ENO4: variants seen among roughly 807,000 people sequenced by gnomAD.
ENO4 encodes 2-phospho-D-glycerate hydro-lyase.
Under a neutral mutation model 63.2 loss-of-function variants are expected in ENO4, and 53 were observed. The observed-to-expected ratio is 0.84, with a 90% CI of 0.67 to 1.05. The LOEUF is 1.05. Among genes scored for constraint, ENO4 ranks in the 50% least tolerant of loss-of-function variants. The pLI, the probability that ENO4 is intolerant of heterozygous loss-of-function variation, is 0.00. For missense variants in ENO4, 719 were observed against 772.0 expected, an observed-to-expected ratio of 0.93 and a Z score of 0.81; for synonymous variants, 266 against 283.8, an observed-to-expected ratio of 0.94 and a Z score of 0.63.
In ENO4 at chr10:116,899,695, T is replaced by C. The variant is rs534574231; in HGVS notation, c.1195-11804T>C. Among the ~76,000 whole-genome samples the C allele has an allele frequency of 5.3e-5, 8 of 152,260 alleles. No homozygotes were observed. In the East Asian group the frequency reaches 9.7e-4, roughly 18 times the overall value. ...AACGGTGGTGTTGCCACAGACAAAATAGAAGTGTTAACTACTAGAATGCAA... is the reference window on the plus strand; with the variant it reads ...AACGGTGGTGTTGCCACAGACAAAACAGAAGTGTTAACTACTAGAATGCAA... On this transcript the variant is annotated intron_variant, in intron 10 of 10. Transcript: ENST00000369207.
intron 10 of ENO4, among the ~76,000 whole-genome samples, chr10:116,897,504 G>A (rs1235958442): frequency 1.3e-5 from 2 of 152,156 alleles, no homozygotes; most frequent in South Asian, 2.1e-4. Context: ...ACAAAACACA[G>A]AGAGGTTAAA....
At chr10:116,906,498 C>T in intron 10 of ENO4, 1 of 888,994 alleles carries the variant, frequency 1.1e-6, no homozygotes, top group South Asian at 2.4e-5. Flanking sequence ...CCATCCCATA[C>T]TTCTCACTCA....
chr10:116,880,231 T>C (rs565352522), intron 13 of ENO4, among the ~76,000 whole-genome samples: 3 of 152,330 alleles, frequency 2.0e-5, no homozygotes, highest in South Asian at 2.1e-4. Flanking sequence ...TGCTCTTCAA[T>C]AGAATTAATT....
In ENO4 at chr10:116,879,806, ATTGT is replaced by A. The variant is rs890089039; in HGVS notation, c.1606-58_1606-55del. 4.2e-5 allele frequency: 52 copies of A among 1,244,050 alleles called. No individual in the cohort carries two copies. In the African/African-American group the frequency reaches 6.2e-4, roughly 15 times the overall value. The allele number at this position is 1,244,050 out of a possible 1,614,324, so 77.1% of individuals were successfully genotyped here. ...TGACAGTTTCCTTTGTCTTTAAAGA[ATTGT>A]TTGTCGTTTAGCAAGACATGGCTCC... On this transcript the variant is annotated intron_variant, in intron 12 of 13. Transcript: ENST00000341276.
chr10:116,876,052 A>AAT lies in ENO4; in HGVS notation c.1342-10_1342-9dup. 6.6e-7 allele frequency: 1 copy of AAT among 1,509,088 alleles called. No individual in the cohort carries two copies. Among genetic ancestry groups the AAT allele is most frequent in the Non-Finnish European group, 8.9e-7 (1 of 1,129,168 alleles). 93.5% of individuals were successfully genotyped at this position (1,509,088 alleles called of 1,614,324 possible). ...AATGCATTATAATGATCAACTCTTA[A>AAT]ATATTTACCCAGGACTCTGAACAGT... On this transcript the variant is annotated splice_polypyrimidine_tract_variant and intron_variant, in intron 10 of 13. Transcript: ENST00000341276.
intron 1 of ENO4, among the ~76,000 whole-genome samples, chr10:116,854,218 G>C (rs778819888): frequency 6.6e-6 from 1 of 152,110 alleles, no homozygotes; most frequent in Admixed American, 6.5e-5. Context: ...CAGCCGTCAC[G>C]TAAGTCTTCA....
chr10:116,911,953 A>T, downstream of ENO4: 1 of 764,630 alleles, frequency 1.3e-6, no homozygotes, highest in Non-Finnish European at 2.2e-6. Context: ...AATATGTATG[A>T]CTATATATAT....
Position 116,856,597 on chromosome 10 carries a change from G to T in ENO4, c.400G>T (p.Ala134Ser). The change falls in exon 3 of 14, where the codon GCC becomes TCC. Residue 134 changes from alanine to serine, a missense_variant. Transcript: ENST00000341276. ...AGAGAGGGCCAGCGCGGTGAGCACC[G>T]CCGTGCAGTGGGTCAACAGCACCAT... ...EAERASAVST[A>S]VQWVNSTITH... 1.3e-6 allele frequency: 2 copies of T among 1,536,114 alleles called. No individual in the cohort carries two copies. Among genetic ancestry groups the T allele is most frequent in the Non-Finnish European group, 1.7e-6 (2 of 1,146,902 alleles).
intron 1 of ENO4, among the ~76,000 whole-genome samples, chr10:116,853,933 T>G (rs1359507446): frequency 6.6e-6 from 1 of 152,238 alleles, no homozygotes; most frequent in Non-Finnish European, 1.5e-5. Flanking sequence ...AGCCCAGTCC[T>G]ATCTGGTAAT....
intron 1 of ENO4, among the ~76,000 whole-genome samples, chr10:116,854,559 TA>T (rs61238867): frequency 0.41 from 53,716 of 132,432 alleles, 12,422 homozygotes; most frequent in African/African-American, 0.68. Flanking sequence ...GACTCTGTCT[TA>T]AAAAAAAAAA....
intron 3 of ENO4, among the ~76,000 whole-genome samples, chr10:116,857,750 T>C (rs9421248): frequency 0.32 from 47,983 of 151,692 alleles, 8,046 homozygotes; most frequent in East Asian, 0.43. Context: ...GCGATTCTCC[T>C]GCCTCAGCCT....
chr10:116,862,899 C>A, intron 7 of ENO4, 47 bp downstream of exon 7: 1 of 1,215,560 alleles, frequency 8.2e-7, no homozygotes, highest in South Asian at 1.3e-5. Flanking sequence ...ACTTAGACAC[C>A]TTCTAGCATG....
downstream of ENO4, chr10:116,886,705 C>A (rs1847175922): frequency 2.0e-5 from 23 of 1,162,066 alleles, no homozygotes; most frequent in Middle Eastern, 4.9e-4. Context: ...CTTTGAGATG[C>A]CAGCCATTTA....
intron 1 of ENO4, among the ~76,000 whole-genome samples, chr10:116,852,738 G>A (rs529219030): frequency 2.6e-5 from 4 of 152,190 alleles, no homozygotes; most frequent in Admixed American, 6.5e-5. Context: ...TGGCAGATAC[G>A]AGACCCCTCA....
chr10:116,909,119 G>C (rs1848090233), intron 10 of ENO4, among the ~76,000 whole-genome samples: 1 of 152,104 alleles, frequency 6.6e-6, no homozygotes, highest in Non-Finnish European at 1.5e-5. Context: ...TTATAGAAAA[G>C]AGAATTCAAA....
intron 8 of ENO4, among the ~76,000 whole-genome samples, chr10:116,870,493 T>C (rs906619132): frequency 2.6e-5 from 4 of 151,852 alleles, no homozygotes; most frequent in African/African-American, 7.3e-5. Flanking sequence ...ATAAAAAAAA[T>C]AGCCAGGTGT....
At chr10:116,898,533 G>C (rs1847603706) in intron 10 of ENO4, among the ~76,000 whole-genome samples, 1 of 152,092 alleles carries the variant, frequency 6.6e-6, no homozygotes. Flanking sequence ...GGGACATGAT[G>C]AGCATAATTC....
At chr10:116,863,390 A>ACACACACACG (rs1465828174) in intron 7 of ENO4, among the ~76,000 whole-genome samples, 1 of 151,142 alleles carries the variant, frequency 6.6e-6, no homozygotes, top group Non-Finnish European at 1.5e-5. Context: ...ACACACACGC[A>ACACACACACG]CACACCTTTT....
intron 10 of ENO4, chr10:116,901,268 A>T: frequency 1.0e-6 from 1 of 985,352 alleles, no homozygotes; most frequent in Non-Finnish European, 1.2e-6. Flanking sequence ...CTCTGAAGCA[A>T]GTCTATACAG....
Sources: allele counts gnomAD v4.1 joint callset (sites outside exome capture counted in the v4.1 genomes callset), GRCh38; gene constraint gnomAD v4.1.1; transcripts MANE v1.5; gene names NCBI Gene and HGNC (gene_info 2026-07-23, HGNC 2026-07-21).